The following CCDC152 variants were observed in gnomAD, a reference collection of about 807,000 sequenced individuals.
CCDC152 encodes coiled-coil domain-containing protein 152.
In CCDC152, 37 loss-of-function variants were observed where a neutral mutation model predicts 38.1. The observed-to-expected ratio is 0.97, with a 90% confidence interval of 0.75 to 1.28. The LOEUF (loss-of-function observed/expected upper bound fraction) is 1.28, where lower values mean the gene tolerates loss of function less well. CCDC152 is among the 50% of genes most tolerant of loss of function. CCDC152 has a pLI of 0.00. For missense variants in CCDC152, 259 were observed against 292.1 expected, an observed-to-expected ratio of 0.89 and a Z score of 0.83; for synonymous variants, 83 against 87.1, an observed-to-expected ratio of 0.95 and a Z score of 0.26.
At chr5:42,791,567 T>C (rs1760000116) in intron 6 of CCDC152, among the ~76,000 whole-genome samples, 1 of 152,234 alleles carries the variant, frequency 6.6e-6, no homozygotes, top group South Asian at 2.1e-4. Context: ...GTAGGTTGTC[T>C]TACCTCATGT....
Position 42,799,680 on chromosome 5 carries a change from G to C in CCDC152, c.664G>C (p.Glu222Gln), listed in dbSNP as rs1760135569. Residue 222 changes from glutamate (E) to glutamine (Q), a missense_variant, in exon 9 of 9, where the codon GAA (glutamate) becomes CAA (glutamine). By Grantham distance (29) the Glu-to-Gln change is conservative (BLOSUM62 2). Coordinates refer to ENST00000361970, the MANE Select transcript of CCDC152 (RefSeq NM_001134848.2). ...YRRKLQHFQE[E>Q]KNKEIAILRN... ...TTAGAAACTTCAGCATTTTCAAGAA[G>C]AAAAAAACAAGGAGATTGCAATTCT... is the stretch of plus-strand genomic sequence containing the variant. 6.5e-7 allele frequency: 1 copy of C among 1,545,790 alleles called. No homozygotes were observed. Among genetic ancestry groups the C allele is most frequent in the South Asian group, 1.2e-5 (1 of 82,516 alleles).
At chr5:42,787,448 C>G (rs1214588976) in intron 6 of CCDC152, among the ~76,000 whole-genome samples, 1 of 151,832 alleles carries the variant, frequency 6.6e-6, no homozygotes, top group Admixed American at 6.6e-5. Flanking sequence ...CTTTGAGTTG[C>G]CTTGCAATCC....
intron 3 of CCDC152, among the ~76,000 whole-genome samples, chr5:42,767,648 G>A (rs934561946): frequency 2.6e-5 from 4 of 152,154 alleles, no homozygotes; most frequent in Non-Finnish European, 4.4e-5. Context: ...TGGTATTCTC[G>A]TGAAGAATTT....
chr5:42,774,717 G>A (rs557446252), intron 4 of CCDC152, among the ~76,000 whole-genome samples: 129 of 152,094 alleles, frequency 8.5e-4, no homozygotes, highest in African/African-American at 3.1e-3. Context: ...ACTGGTACTT[G>A]GTCTTGAGCT....
In CCDC152 at chr5:42,783,535, A is replaced by G; in HGVS notation, c.389A>G (p.Lys130Arg). The part of the protein sequence containing the change: ...SEMKIKEEGY[K>R]KEISKLYQDM... ...ATGAAAATCAAAGAGGAGGGATATA[A>G]GAAAGAAATAAGCAAACTTTATCAG... The change falls in exon 6 of 9, where the codon AAG (lysine) becomes AGG (arginine). Residue 130 changes from lysine to arginine, a missense_variant. Coordinates refer to ENST00000361970, the MANE Select transcript of CCDC152 (RefSeq NM_001134848.2). The G allele has an allele frequency of 1.4e-6, 2 of 1,395,948 alleles. No homozygotes were observed. Among genetic ancestry groups the G allele is most frequent in the Non-Finnish European group, 1.9e-6 (2 of 1,064,162 alleles). 86.5% of individuals were successfully genotyped at this position (1,395,948 alleles called of 1,614,324 possible).
chr5:42,793,419 G>C lies in CCDC152; in HGVS notation c.431-3410G>C, dbSNP rs140255405. 4.3e-4 allele frequency among the ~76,000 whole-genome samples: 65 copies of C among 152,150 alleles called. 2 individuals carry two copies. In the South Asian group the frequency reaches 0.011, roughly 25 times the overall value. On this transcript the variant is annotated intron_variant, in intron 6 of 8. Coordinates refer to ENST00000361970, the MANE Select transcript of CCDC152 (RefSeq NM_001134848.2). ...AACTATACGCCTCAAAAGAGATTTT[G>C]CTATATATAAATTACGCTGCAGTAA...
Position 42,769,661 on chromosome 5 carries a change from GA to G in CCDC152, c.261del (p.Gly88ValfsTer6). ...QQTIEYQQNL[K>X]GENEQLKISA... Reference sequence around the variant, plus strand: ...AGACCATTGAATATCAACAGAATTTGAAAGGTAAGTTAGAAAAAAAAGTAAA... The same window carrying G: ...AGACCATTGAATATCAACAGAATTTGAAGGTAAGTTAGAAAAAAAAGTAAA... On this transcript the variant is annotated frameshift_variant, in exon 4 of 9. Transcript: ENST00000361970. LOFTEE classifies it high-confidence loss of function. The G allele has an allele frequency of 2.0e-6, 3 of 1,481,990 alleles. No homozygotes were observed. The highest frequency in any genetic ancestry group is 1.4e-5 in the African/African-American group (1 of 70,248). 91.8% of individuals were successfully genotyped at this position (1,481,990 alleles called of 1,614,324 possible). A position where few individuals can be genotyped will look rare whatever the true frequency, so the allele number is the denominator to read the frequency against.
chr5:42,788,193 T>A (rs1470479199), intron 6 of CCDC152, among the ~76,000 whole-genome samples: 1 of 147,274 alleles, frequency 6.8e-6, no homozygotes. Flanking sequence ...CCTTCCTTGT[T>A]TGGTGGATAT....
At chr5:42,772,422 G>A (rs1053515927) in intron 4 of CCDC152, among the ~76,000 whole-genome samples, 2 of 152,132 alleles carry the variant, frequency 1.3e-5, no homozygotes, top group East Asian at 1.9e-4. Flanking sequence ...TTTCTTGGCC[G>A]GGCGCTGTGG....
At chr5:42,786,919 A>C (rs1434476271) in intron 6 of CCDC152, among the ~76,000 whole-genome samples, 1 of 152,040 alleles carries the variant, frequency 6.6e-6, no homozygotes, top group Non-Finnish European at 1.5e-5. Flanking sequence ...AAAGTCAACC[A>C]GGAGCAAGTT....
chr5:42,799,891 G>T lies in CCDC152; in HGVS notation c.*110G>T, dbSNP rs535214645. On this transcript the variant is annotated 3_prime_UTR_variant, in exon 9 of 9. Coordinates refer to ENST00000361970, the MANE Select transcript of CCDC152 (RefSeq NM_001134848.2). ...CATAACAAACGAAGTCAGCTTTAAGGTTTTTATTGAATTTATTTGGACAAA... is the reference window on the plus strand; with the variant it reads ...CATAACAAACGAAGTCAGCTTTAAGTTTTTTATTGAATTTATTTGGACAAA... 18 of 1,211,846 alleles carry T rather than the reference G, an allele frequency of 1.5e-5. No homozygotes were observed. In the African/African-American group the frequency reaches 2.3e-4, roughly 16 times the overall value. The allele number at this position is 1,211,846 out of a possible 1,614,324, so 75.1% of individuals were successfully genotyped here. A position where few individuals can be genotyped will look rare whatever the true frequency, so the allele number is the denominator to read the frequency against.
intron 3 of CCDC152, among the ~76,000 whole-genome samples, chr5:42,764,774 C>T (rs879674531): frequency 5.9e-5 from 9 of 152,112 alleles, no homozygotes; most frequent in Non-Finnish European, 8.8e-5. Context: ...AAACATAACT[C>T]AACATAATAA....
chr5:42,797,689 G>T (rs1484188560), intron 7 of CCDC152, among the ~76,000 whole-genome samples: 1 of 152,034 alleles, frequency 6.6e-6, no homozygotes, highest in Non-Finnish European at 1.5e-5. Flanking sequence ...TAACCAACTA[G>T]AAATTTATTT....
At chr5:42,767,643 T>C (rs1401519417) in intron 3 of CCDC152, among the ~76,000 whole-genome samples, 1 of 152,232 alleles carries the variant, frequency 6.6e-6, no homozygotes, top group Admixed American at 6.5e-5. Context: ...GTGAATGGTA[T>C]TCTCGTGAAG....
chr5:42,787,177 C>T (rs1051799848), intron 6 of CCDC152, among the ~76,000 whole-genome samples: 7 of 151,918 alleles, frequency 4.6e-5, no homozygotes, highest in African/African-American at 2.4e-5. Context: ...GGTCAAAAGT[C>T]CAATTAAAGT....
intron 7 of CCDC152, among the ~76,000 whole-genome samples, chr5:42,798,648 CT>C (rs1178846473): frequency 3.9e-5 from 6 of 152,162 alleles, no homozygotes; most frequent in African/African-American, 1.4e-4. Flanking sequence ...TACACAGCTC[CT>C]TATTTGTTTT....
intron 4 of CCDC152, among the ~76,000 whole-genome samples, chr5:42,771,698 C>T (rs540628639): frequency 1.3e-5 from 2 of 152,152 alleles, no homozygotes; most frequent in Admixed American, 1.3e-4. Context: ...TAAGAATATA[C>T]AACCTGCCAA....
At chr5:42,760,778 G>A (rs563962234) in intron 2 of CCDC152, among the ~76,000 whole-genome samples, 8 of 152,044 alleles carry the variant, frequency 5.3e-5, no homozygotes, top group Non-Finnish European at 7.4e-5. Flanking sequence ...TTTTTTAAAC[G>A]GTAAAGTTAA....
At chr5:42,782,732 A>G (rs1006510370) in intron 5 of CCDC152, among the ~76,000 whole-genome samples, 2 of 152,140 alleles carry the variant, frequency 1.3e-5, no homozygotes, top group Non-Finnish European at 2.9e-5. Flanking sequence ...TACCTCACAT[A>G]TTTAACATAT....
Sources: gnomAD v4.1 joint callset for allele counts (sites outside exome capture counted in the v4.1 genomes callset) on GRCh38, gnomAD v4.1.1 for gene constraint, MANE v1.5 for transcripts, NCBI Gene and HGNC (gene_info 2026-07-23, HGNC 2026-07-21) for gene names.